Variants in PARP16 observed in about 807,000 individuals in gnomAD.
PARP16 encodes the protein protein mono-ADP-ribosyltransferase PARP16.
Under a neutral mutation model 35.0 loss-of-function variants are expected in PARP16, and 31 were observed. The ratio of observed to expected loss-of-function variants is 0.88; its 90% CI spans 0.66 to 1.19. The LOEUF (loss-of-function observed/expected upper bound fraction) is 1.19, where lower values mean the gene tolerates loss of function less well. Ranked by LOEUF, PARP16 falls within the 50% of genes most tolerant of loss-of-function variation. PARP16 has a pLI of 0.00. For synonymous variants in PARP16, 162 were observed against 169.5 expected (o/e 0.96, Z 0.34); for missense variants, 424 against 411.2 (o/e 1.03, Z -0.27).
intron 3 of PARP16, among the ~76,000 whole-genome samples, chr15:65,247,963 C>T (rs1320553113): frequency 6.6e-6 from 1 of 152,060 alleles, no homozygotes; most frequent in Non-Finnish European, 1.5e-5. Context: ...CGCCACCACG[C>T]CCGGCTAATT....
chr15:65,264,367 G>A (rs2089828261), intron 3 of PARP16, among the ~76,000 whole-genome samples: 1 of 152,204 alleles, frequency 6.6e-6, no homozygotes, highest in South Asian at 2.1e-4. Context: ...TTGACGCTCA[G>A]GTTGAAATTC....
chr15:65,271,362 C>A (rs962175883), intron 1 of PARP16, among the ~76,000 whole-genome samples: 1 of 152,056 alleles, frequency 6.6e-6, no homozygotes, highest in African/African-American at 2.4e-5. Context: ...CAGCCTCTGC[C>A]TCCTAGGTTC....
chr15:65,246,495 G>A (rs940095360), intron 3 of PARP16, among the ~76,000 whole-genome samples: 2 of 152,242 alleles, frequency 1.3e-5, no homozygotes, highest in Admixed American at 1.3e-4. Context: ...CCCTCCGCCT[G>A]TCTGGATGTG....
chr15:65,268,204 T>A (rs1193234776), intron 2 of PARP16, among the ~76,000 whole-genome samples: 3 of 151,984 alleles, frequency 2.0e-5, no homozygotes, highest in African/African-American at 4.8e-5. Context: ...AACGGGACAT[T>A]AACATATATA....
chr15:65,231,855 A>G (rs1172251915), downstream of PARP16, among the ~76,000 whole-genome samples: 2 of 151,356 alleles, frequency 1.3e-5, no homozygotes, highest in African/African-American at 4.9e-5. Flanking sequence ...CTTGTCTCTC[A>G]TTTTTTCCAT....
intron 3 of PARP16, among the ~76,000 whole-genome samples, chr15:65,264,036 T>C (rs1567024069): frequency 6.6e-6 from 1 of 152,112 alleles, no homozygotes. Flanking sequence ...AATTAGTCTC[T>C]TAGACCAGAA....
At chr15:65,265,001 T>A (rs2089843404) in intron 3 of PARP16, among the ~76,000 whole-genome samples, 1 of 152,238 alleles carries the variant, frequency 6.6e-6, no homozygotes, top group Non-Finnish European at 1.5e-5. Context: ...GCCCCCTGAA[T>A]TCCAGTAGCC....
chr15:65,274,081 T>C (rs1289910276), intron 1 of PARP16, among the ~76,000 whole-genome samples: 1 of 149,588 alleles, frequency 6.7e-6, no homozygotes, highest in African/African-American at 2.5e-5. Context: ...TAGCTGGGAC[T>C]ATAGGCACAT....
At position 65,286,532 on chromosome 15, in the gene PARP16, G is replaced by A; in HGVS notation, c.-106C>T. On this transcript the variant is annotated 5_prime_UTR_variant, in exon 1 of 6. Transcript: ENST00000649807. Reference sequence around the variant, plus strand: ...CGCGGACAATGGGCCGTCAGGGGCCGGGTTCCCAAGCCTGGGGTGGAGCTA... The same window carrying A: ...CGCGGACAATGGGCCGTCAGGGGCCAGGTTCCCAAGCCTGGGGTGGAGCTA... 1.2e-6 allele frequency: 1 copy of A among 854,710 alleles called. No individual in the cohort carries two copies. The highest frequency in any genetic ancestry group is 1.7e-6 in the Non-Finnish European group (1 of 595,732). 52.9% of individuals were successfully genotyped at this position (854,710 alleles called of 1,614,324 possible). A position where few individuals can be genotyped will look rare whatever the true frequency, so the allele number is the denominator to read the frequency against.
At chr15:65,278,474 C>T (rs143229563) in intron 1 of PARP16, among the ~76,000 whole-genome samples, 18 of 152,278 alleles carry the variant, frequency 1.2e-4, no homozygotes, top group Non-Finnish European at 2.2e-4. Context: ...GAATGGTGAG[C>T]AGAGCTGAGA....
At chr15:65,265,909 G>A (rs904648656) in intron 3 of PARP16, among the ~76,000 whole-genome samples, 17 of 152,104 alleles carry the variant, frequency 1.1e-4, no homozygotes, top group African/African-American at 3.4e-4. Flanking sequence ...AGGCATCTGG[G>A]ATTTTTTATT....
In PARP16 at chr15:65,260,814, G is replaced by A; in HGVS notation, c.833+71C>T. The A allele has an allele frequency of 2.1e-6, 3 of 1,438,524 alleles. No individual in the cohort carries two copies. The East Asian group carries it at 6.9e-5, about 33-fold the overall frequency. 89.1% of individuals were successfully genotyped at this position (1,438,524 alleles called of 1,614,324 possible). ...GGAGGTCTAAGGCTGGGGGAGGGGAGGCTGATACCTACAACAACTAAGAAA... is the reference window on the plus strand; with the variant it reads ...GGAGGTCTAAGGCTGGGGGAGGGGAAGCTGATACCTACAACAACTAAGAAA... On this transcript the variant is annotated intron_variant, in intron 5 of 5. Coordinates refer to ENST00000649807, the MANE Select transcript of PARP16 (RefSeq NM_001316943.2).
intron 2 of PARP16, 53 bp downstream of exon 2, chr15:65,270,882 T>TC (rs1173310383): frequency 1.3e-6 from 2 of 1,588,010 alleles, no homozygotes; most frequent in Non-Finnish European, 8.6e-7. Context: ...TTCAGTGCTG[T>TC]CCTAGAGCCC....
downstream of PARP16, among the ~76,000 whole-genome samples, chr15:65,253,966 C>T (rs1164844957): frequency 6.6e-6 from 1 of 152,068 alleles, no homozygotes; most frequent in East Asian, 1.9e-4. Context: ...TACAGGCGCA[C>T]ACCACCACAC....
intron 3 of PARP16, chr15:65,248,011 A>G (rs2089256648): frequency 2.8e-6 from 1 of 361,764 alleles, no homozygotes; most frequent in Admixed American, 3.6e-5. Flanking sequence ...TCACCGTGTT[A>G]GCCAGGATGG....
chr15:65,233,904 A>G (rs2088816780), downstream of PARP16, among the ~76,000 whole-genome samples: 1 of 152,136 alleles, frequency 6.6e-6, no homozygotes, highest in African/African-American at 2.4e-5. Context: ...CCAACTCATC[A>G]GTGCAGTAAA....
chr15:65,238,158 C>T (rs1208920366), intron 3 of PARP16, among the ~76,000 whole-genome samples: 1 of 152,098 alleles, frequency 6.6e-6, no homozygotes, highest in Admixed American at 6.6e-5. Flanking sequence ...CATGGTGGGG[C>T]CTGTAATCCC....
At chr15:65,269,439 G>A (rs1284287779) in intron 2 of PARP16, among the ~76,000 whole-genome samples, 1 of 151,902 alleles carries the variant, frequency 6.6e-6, no homozygotes, top group Non-Finnish European at 1.5e-5. Context: ...CTCATGATCC[G>A]CCCACCTTAG....
intron 3 of PARP16, among the ~76,000 whole-genome samples, chr15:65,235,149 A>T (rs187564929): frequency 6.7e-4 from 102 of 152,084 alleles, no homozygotes; most frequent in African/African-American, 2.4e-3. Context: ...GTATATTTAA[A>T]AAAAAAAATT....
Sources: allele counts gnomAD v4.1 joint callset (sites outside exome capture counted in the v4.1 genomes callset), GRCh38; gene constraint gnomAD v4.1.1; transcripts MANE v1.5; gene names NCBI Gene and HGNC (gene_info 2026-07-23, HGNC 2026-07-21).